Variants in NF1 observed in about 807,000 individuals in gnomAD.
NF1 encodes the protein neurofibromin 1.
In NF1, 122 loss-of-function variants were observed where a neutral mutation model predicts 325.7. That is an observed-to-expected ratio of 0.37 (90% CI 0.32 to 0.44). The LOEUF (loss-of-function observed/expected upper bound fraction) is 0.44. Among genes scored for constraint, NF1 ranks in the 20% least tolerant of loss-of-function variants. The pLI is 1.00. For synonymous variants in NF1, 1,091 were observed against 1,186.0 expected (o/e 0.92, Z 1.65); for missense variants, 2,140 against 3,415.4 (o/e 0.63, Z 9.31).
At chr17:31,301,013 A>G (rs765739623) in intron 36 of NF1, among the ~76,000 whole-genome samples, 39 of 152,028 alleles carry the variant, frequency 2.6e-4, no homozygotes, top group Non-Finnish European at 3.5e-4. Context: ...CCTGCCCCAT[A>G]TTAGGAGCAT....
At chr17:31,252,682 T>C in intron 30 of NF1, 1 of 446,258 alleles carries the variant, frequency 2.2e-6, no homozygotes, top group Non-Finnish European at 4.0e-6. Context: ...AGAGTTTTTC[T>C]GTGATTCATA....
chr17:31,159,910 T>C (rs959951252), intron 3 of NF1, among the ~76,000 whole-genome samples: 8 of 152,174 alleles, frequency 5.3e-5, no homozygotes, highest in Non-Finnish European at 5.9e-5. Context: ...TCTTCACATA[T>C]GTTGCAGTTC....
intron 36 of NF1, chr17:31,304,130 T>A (rs2151508284): frequency 1.1e-6 from 1 of 898,722 alleles, no homozygotes; most frequent in Middle Eastern, 3.4e-4. Context: ...GCACATAGGC[T>A]CTGAGCAGAT....
chr17:31,159,772 A>G (rs2065730239), intron 3 of NF1, among the ~76,000 whole-genome samples: 1 of 152,208 alleles, frequency 6.6e-6, no homozygotes, highest in Non-Finnish European at 1.5e-5. Flanking sequence ...TTATATAAAT[A>G]TATAAATTAA....
intron 36 of NF1, among the ~76,000 whole-genome samples, chr17:31,269,822 T>G (rs1186293520): frequency 6.6e-6 from 1 of 152,158 alleles, no homozygotes; most frequent in Non-Finnish European, 1.5e-5. Flanking sequence ...CTGGTGTGAG[T>G]CACATGCCAT....
rs145988723 is a variant in NF1 at position 31,157,740 on chromosome 17, A to G, written c.205-1270A>G. ...TTTGGGAGGCCAAGACGGGCGGATC[A>G]CGAGGTCAGGAGATCAAGACCATCC... On this transcript the variant is annotated intron_variant, in intron 2 of 57. Coordinates refer to ENST00000358273, the MANE Select transcript of NF1 (RefSeq NM_001042492.3). Among the ~76,000 whole-genome samples the G allele has an allele frequency of 7.6e-3, 1,144 of 151,282 alleles. 19 individuals carry two copies. The highest frequency in any genetic ancestry group is 0.027 in the African/African-American group (1,101 of 41,232).
chr17:31,343,215 A>G lies in NF1; in HGVS notation c.7189+80A>G. On this transcript the variant is annotated intron_variant, in intron 48 of 57. Coordinates refer to ENST00000358273, the MANE Select transcript of NF1 (RefSeq NM_001042492.3). ...TAATTTGAATAAGTGATTACTTGAA[A>G]TAAATTGAAGTAAGTTAGCCCTTAT... 7 of 1,361,126 alleles carry G rather than the reference A, an allele frequency of 5.1e-6. No homozygotes were observed. The South Asian group carries it at 7.2e-5, about 14-fold the overall frequency. The allele number at this position is 1,361,126 out of a possible 1,614,324, so 84.3% of individuals were successfully genotyped here.
intron 5 of NF1, among the ~76,000 whole-genome samples, chr17:31,172,962 G>A (rs2065956264): frequency 6.6e-6 from 1 of 152,086 alleles, no homozygotes; most frequent in Non-Finnish European, 1.5e-5. Context: ...GGTAGGGTAA[G>A]GATGGGGACC....
chr17:31,294,844 C>A (rs1230392729), intron 36 of NF1: 18 of 846,672 alleles, frequency 2.1e-5, no homozygotes, highest in South Asian at 2.0e-4. Flanking sequence ...TTGTGCATTT[C>A]TTTTATTTAA....
intron 21 of NF1, 45 bp from the exon 22 acceptor site, chr17:31,229,789 TC>T: frequency 1.2e-6 from 2 of 1,609,354 alleles, no homozygotes; most frequent in Non-Finnish European, 1.7e-6. Context: ...GGGTCTGTCT[TC>T]TGGGCATTGA....
chr17:31,260,345 T>C (rs2151464412), intron 33 of NF1, 24 bp from the exon 34 acceptor site: 2 of 1,612,384 alleles, frequency 1.2e-6, no homozygotes, highest in Non-Finnish European at 1.7e-6. Context: ...TGTTGAAAAT[T>C]CTAATGACTT....
At chr17:31,122,538 A>G (rs766907789) in intron 1 of NF1, among the ~76,000 whole-genome samples, 1 of 152,220 alleles carries the variant, frequency 6.6e-6, no homozygotes, top group Non-Finnish European at 1.5e-5. Flanking sequence ...GCATTGAAAT[A>G]GGTATCACAT....
chr17:31,211,436 G>A (rs1302899099), intron 12 of NF1, among the ~76,000 whole-genome samples: 2 of 152,144 alleles, frequency 1.3e-5, no homozygotes, highest in African/African-American at 4.8e-5. Context: ...GTTGATATTT[G>A]GGATTAAGAG....
At chr17:31,235,466 C>A (rs1402672970) in intron 27 of NF1, 145 bp from the exon 28 acceptor site, 2 of 808,876 alleles carry the variant, frequency 2.5e-6, no homozygotes, top group Non-Finnish European at 4.3e-6. Context: ...TGTTAAATCT[C>A]AGGATAAATA....
At chr17:31,116,869 G>A (rs1913962458) in intron 1 of NF1, among the ~76,000 whole-genome samples, 2 of 151,248 alleles carry the variant, frequency 1.3e-5, no homozygotes, top group South Asian at 4.2e-4. Flanking sequence ...AGTAGAGACA[G>A]GGTTTCGCTG....
intron 36 of NF1, among the ~76,000 whole-genome samples, chr17:31,285,848 A>G (rs2068216824): frequency 6.6e-6 from 1 of 152,196 alleles, no homozygotes. Context: ...CTTACAAACT[A>G]GCTCTTAGTG....
chr17:31,341,240 A>G (rs1364799615), intron 47 of NF1, among the ~76,000 whole-genome samples: 1 of 152,102 alleles, frequency 6.6e-6, no homozygotes, highest in Non-Finnish European at 1.5e-5. Context: ...ATATACCATT[A>G]GTGGCCAGGA....
At chr17:31,364,948 A>G (rs1597874646) in intron 57 of NF1, among the ~76,000 whole-genome samples, 1 of 152,180 alleles carries the variant, frequency 6.6e-6, no homozygotes, top group South Asian at 2.1e-4. Context: ...TATGATCCTT[A>G]TTAGGTCCAG....
At chr17:31,149,915 A>G (rs1207876245) in intron 1 of NF1, among the ~76,000 whole-genome samples, 4 of 152,170 alleles carry the variant, frequency 2.6e-5, no homozygotes, top group African/African-American at 9.7e-5. Context: ...TGGTCAGCAA[A>G]GTGACCACTG....
Sources: allele counts gnomAD v4.1 joint callset (sites outside exome capture counted in the v4.1 genomes callset), GRCh38; gene constraint gnomAD v4.1.1; transcripts MANE v1.5; gene names NCBI Gene and HGNC (gene_info 2026-07-23, HGNC 2026-07-21).